The following PTGER3 variants were observed in gnomAD, a reference collection of about 807,000 sequenced individuals.
PTGER3 encodes the protein prostaglandin E receptor 3.
PTGER3 carries 22 observed loss-of-function variants against 34.7 expected under a neutral mutation model. The ratio of observed to expected loss-of-function variants is 0.63; its 90% CI spans 0.45 to 0.91. The LOEUF is 0.91. Ranked by LOEUF, PTGER3 falls within the 40% of genes least tolerant of loss-of-function variation. The probability of loss-of-function intolerance (pLI) is 0.00; values close to 1 mark genes in which losing one functional copy is unlikely to be tolerated. For synonymous variants in PTGER3, 241 were observed against 230.1 expected (o/e 1.05, Z -0.43); for missense variants, 468 against 519.4 (o/e 0.90, Z 0.96).
intron 2 of PTGER3, among the ~76,000 whole-genome samples, chr1:70,960,343 T>G (rs548280532): frequency 6.6e-6 from 1 of 152,298 alleles, no homozygotes; most frequent in South Asian, 2.1e-4. Flanking sequence ...TTATTTCTGC[T>G]TTTGTACATT....
At chr1:71,006,659 T>C in intron 2 of PTGER3, 1 of 981,856 alleles carries the variant, frequency 1.0e-6, no homozygotes, top group Non-Finnish European at 1.2e-6. Flanking sequence ...TTATATTAAA[T>C]CAACAATAAT....
chr1:70,994,247 C>A (rs1287567750), intron 2 of PTGER3, among the ~76,000 whole-genome samples: 1 of 152,106 alleles, frequency 6.6e-6, no homozygotes, highest in Non-Finnish European at 1.5e-5. Flanking sequence ...AGTGTTGCAC[C>A]CACTAAGACT....
At chr1:71,029,948 A>AATT (rs1168633528) in intron 1 of PTGER3, among the ~76,000 whole-genome samples, 1 of 147,748 alleles carries the variant, frequency 6.8e-6, no homozygotes, top group East Asian at 2.0e-4. Flanking sequence ...TAATAATAAT[A>AATT]ATAATAATAA....
chr1:71,045,478 CATCT>C (rs1051296531), intron 1 of PTGER3, among the ~76,000 whole-genome samples: 6 of 152,330 alleles, frequency 3.9e-5, no homozygotes, highest in African/African-American at 1.4e-4. Context: ...CTTTCTGCAA[CATCT>C]ATTAACCCAG....
intron 3 of PTGER3, chr1:70,953,691 A>T: frequency 6.5e-7 from 1 of 1,530,084 alleles, no homozygotes; most frequent in Admixed American, 2.2e-5. Flanking sequence ...TATGACAAAC[A>T]GTACAGTTGG....
At position 71,047,005 on chromosome 1, in the gene PTGER3, C is replaced by A. The variant is rs1450603821; in HGVS notation, c.573G>T (p.Leu191=). 1.2e-6 allele frequency: 2 copies of A among 1,611,274 alleles called. No individual in the cohort carries two copies. Among genetic ancestry groups the A allele is most frequent in the African/African-American group, 2.7e-5 (2 of 74,930 alleles). The stretch of plus-strand genomic sequence containing the variant: ...TGTACTGGCCCACGCCCAGCACCGG[C>A]AGCAGGGCGAAGGCGAGCACGGCCA... The part of the protein sequence containing the change: ...VWLAVLAFAL[L]PVLGVGQYTV... The change falls in exon 1 of 4, where the codon CTG becomes CTT. Residue 191 remains leucine, a synonymous_variant. Transcript: ENST00000306666.
chr1:70,866,088 C>A (rs879892793), intron 4 of PTGER3, among the ~76,000 whole-genome samples: 1 of 152,124 alleles, frequency 6.6e-6, no homozygotes, highest in Admixed American at 6.5e-5. Context: ...AAGAAAGTAC[C>A]CCTTCATATC....
intron 2 of PTGER3, among the ~76,000 whole-genome samples, chr1:70,985,140 C>T (rs1047573574): frequency 3.3e-5 from 5 of 152,164 alleles, no homozygotes; most frequent in African/African-American, 7.2e-5. Context: ...AGATAACATC[C>T]TTACTTCTCC....
In PTGER3 at chr1:71,011,379, A is replaced by T. The variant is rs575681407; in HGVS notation, c.1077+926T>A. ...TTTAAAGAGTCAAAGACTGGGGAAC[A>T]CTTTTGGTGAATAATCAAGGGAAAT... is the stretch of plus-strand genomic sequence containing the variant. On this transcript the variant is annotated intron_variant, in intron 2 of 3. Transcript: ENST00000306666. 2.9e-5 allele frequency: 29 copies of T among 985,278 alleles called. No homozygotes were observed. The South Asian group carries it at 5.6e-4, about 19-fold the overall frequency. 61.0% of individuals were successfully genotyped at this position (985,278 alleles called of 1,614,324 possible).
chr1:70,995,272 G>T (rs1476450215), intron 2 of PTGER3, among the ~76,000 whole-genome samples: 1 of 152,172 alleles, frequency 6.6e-6, no homozygotes, highest in Non-Finnish European at 1.5e-5. Context: ...TTCAAAAAAG[G>T]CTGGTATCAG....
chr1:70,893,042 C>T lies in PTGER3; in HGVS notation c.*24-40183G>A, dbSNP rs118143751. ...ATGTCCAACTAAAAAAAAAACGTTT[C>T]CTTACTATTGAGTACAAACTAGAAC... On this transcript the variant is annotated intron_variant, in intron 4 of 4. Coordinates refer to the PTGER3 transcript ENST00000370931. Among the ~76,000 whole-genome samples, 226 of 152,132 alleles carry T rather than the reference C, an allele frequency of 1.5e-3. 8 individuals are homozygous for T. In the East Asian group the frequency reaches 0.039, roughly 26 times the overall value.
chr1:70,897,007 G>T (rs989760618), intron 4 of PTGER3, among the ~76,000 whole-genome samples: 5 of 152,130 alleles, frequency 3.3e-5, no homozygotes, highest in African/African-American at 1.2e-4. Context: ...AGTTAGATGT[G>T]CCTCCACCCA....
chr1:71,042,629 T>C (rs543790672), intron 1 of PTGER3, among the ~76,000 whole-genome samples: 1 of 152,160 alleles, frequency 6.6e-6, no homozygotes, highest in Non-Finnish European at 1.5e-5. Flanking sequence ...GGCAGAAAGT[T>C]GAGGCAGAAG....
At chr1:70,880,544 G>T (rs533319741) in intron 4 of PTGER3, among the ~76,000 whole-genome samples, 2 of 151,934 alleles carry the variant, frequency 1.3e-5, no homozygotes, top group South Asian at 4.1e-4. Context: ...AAAAAAATTA[G>T]CCAGGCATGA....
intron 1 of PTGER3, among the ~76,000 whole-genome samples, chr1:71,039,826 G>T (rs1169209554): frequency 6.6e-6 from 1 of 152,010 alleles, no homozygotes; most frequent in African/African-American, 2.4e-5. Context: ...TAGGAGAAAG[G>T]TCTATCTCAA....
At chr1:71,007,748 T>C in intron 2 of PTGER3, 2 of 985,344 alleles carry the variant, frequency 2.0e-6, no homozygotes, top group South Asian at 4.7e-5. Flanking sequence ...TTTGAATTAC[T>C]ATTAAAGTTT....
At chr1:70,975,215 C>T (rs755935682) in intron 2 of PTGER3, among the ~76,000 whole-genome samples, 26 of 152,280 alleles carry the variant, frequency 1.7e-4, no homozygotes, top group Admixed American at 3.9e-4. Context: ...GCAGCTACCA[C>T]GGTGCCTGGC....
chr1:71,047,598 G>A lies in PTGER3; in HGVS notation c.-21C>T. On this transcript the variant is annotated 5_prime_UTR_variant, in exon 1 of 4. Coordinates refer to ENST00000306666, the MANE Select transcript of PTGER3 (RefSeq NM_198719.2). ...TTCATGTTGGCTTCGAGGTGAGGAGGGGATGGCGTCCAGAGAGCCGCAGCG... is the reference window on the plus strand; with the variant it reads ...TTCATGTTGGCTTCGAGGTGAGGAGAGGATGGCGTCCAGAGAGCCGCAGCG... 6.6e-7 allele frequency: 1 copy of A among 1,505,072 alleles called. No homozygotes were observed. The highest frequency in any genetic ancestry group is 8.9e-7 in the Non-Finnish European group (1 of 1,121,658). 93.2% of individuals were successfully genotyped at this position (1,505,072 alleles called of 1,614,324 possible). A position where few individuals can be genotyped will look rare whatever the true frequency, so the allele number is the denominator to read the frequency against.
At chr1:70,859,751 T>C (rs1373671580) in intron 4 of PTGER3, among the ~76,000 whole-genome samples, 1 of 152,244 alleles carries the variant, frequency 6.6e-6, no homozygotes, top group Admixed American at 6.5e-5. Flanking sequence ...ATTTAAAAAG[T>C]ACTACTATTA....
Sources: gnomAD v4.1 joint callset for allele counts (sites outside exome capture counted in the v4.1 genomes callset) on GRCh38, gnomAD v4.1.1 for gene constraint, MANE v1.5 for transcripts, NCBI Gene and HGNC (gene_info 2026-07-23, HGNC 2026-07-21) for gene names.